FMNL2: variants seen among roughly 807,000 people sequenced by gnomAD.
The protein encoded by FMNL2 is formin-like protein 2.
A neutral mutation model predicts 130.2 loss-of-function variants in FMNL2; 51 were observed. The ratio of observed to expected loss-of-function variants is 0.39; its 90% CI spans 0.31 to 0.49. The LOEUF is 0.49. FMNL2 is among the 20% of genes least tolerant of loss of function. The probability of loss-of-function intolerance (pLI) is 0.85; values close to 1 mark genes in which losing one functional copy is unlikely to be tolerated. For synonymous variants in FMNL2, 465 were observed against 467.1 expected (o/e 1.00, Z 0.06); for missense variants, 977 against 1,316.2 (o/e 0.74, Z 3.99).
At chr2:152,621,232 T>A in intron 15 of FMNL2, 1 of 724,956 alleles carries the variant, frequency 1.4e-6, no homozygotes, top group Non-Finnish European at 1.7e-6. Context: ...CCTTTGTCTC[T>A]GACAAACGCT....
In FMNL2 at chr2:152,335,656, A is replaced by G. The variant is rs201363558; in HGVS notation, c.53A>G (p.Asn18Ser). 992 of 1,594,198 alleles carry G rather than the reference A, an allele frequency of 6.2e-4. 8 individuals carry two copies. In the African/African-American group the frequency reaches 0.012, roughly 20 times the overall value. ...DSQQTDFRAH[N>S]VPLKLPMPEP... Reference sequence around the variant, plus strand: ...CAGCAGACCGATTTCAGGGCGCACAACGTGCCTTTGAAGCTGCCGATGCCA... The same window carrying G: ...CAGCAGACCGATTTCAGGGCGCACAGCGTGCCTTTGAAGCTGCCGATGCCA... Residue 18 changes from asparagine to serine, a missense_variant, in exon 1 of 26, where the codon AAC (asparagine) becomes AGC (serine). Physicochemically the swap from Asn to Ser is conservative, Grantham distance 46. Transcript: ENST00000288670.
At chr2:152,527,942 A>C (rs1693478253) in intron 2 of FMNL2, among the ~76,000 whole-genome samples, 1 of 152,158 alleles carries the variant, frequency 6.6e-6, no homozygotes, top group African/African-American at 2.4e-5. Context: ...GAGGAAGTGC[A>C]TGCAAAAGGT....
chr2:152,435,529 G>T (rs1445191586), intron 1 of FMNL2, among the ~76,000 whole-genome samples: 1 of 151,862 alleles, frequency 6.6e-6, no homozygotes, highest in Admixed American at 6.6e-5. Flanking sequence ...ATAGTTAGTG[G>T]GATGTACACT....
chr2:152,388,283 C>T (rs76376097), intron 1 of FMNL2, among the ~76,000 whole-genome samples: 111 of 152,204 alleles, frequency 7.3e-4, no homozygotes, highest in Middle Eastern at 3.4e-3. Flanking sequence ...TAAAGACATA[C>T]GTTAGACTGG....
At chr2:152,416,864 T>C (rs1424345740) in intron 1 of FMNL2, among the ~76,000 whole-genome samples, 1 of 152,208 alleles carries the variant, frequency 6.6e-6, no homozygotes, top group Admixed American at 6.5e-5. Context: ...CATCCACCAA[T>C]TGTGTCTCAG....
At chr2:152,544,790 C>T (rs1213371194) in intron 3 of FMNL2, among the ~76,000 whole-genome samples, 1 of 152,218 alleles carries the variant, frequency 6.6e-6, no homozygotes, top group Non-Finnish European at 1.5e-5. Context: ...CCATACCCCA[C>T]ATGGAGGAAG....
intron 25 of FMNL2, among the ~76,000 whole-genome samples, chr2:152,641,419 T>C (rs1226188020): frequency 6.6e-6 from 1 of 152,268 alleles, no homozygotes; most frequent in Non-Finnish European, 1.5e-5. Context: ...GCCTGGTTCC[T>C]GTCTGATTGA....
chr2:152,523,083 A>G (rs746669592), intron 2 of FMNL2, among the ~76,000 whole-genome samples: 2 of 152,234 alleles, frequency 1.3e-5, no homozygotes, highest in Non-Finnish European at 2.9e-5. Flanking sequence ...TTACTTAAGC[A>G]TATAGCATGG....
At chr2:152,359,093 C>T (rs1683010145) in intron 1 of FMNL2, among the ~76,000 whole-genome samples, 1 of 152,140 alleles carries the variant, frequency 6.6e-6, no homozygotes, top group Admixed American at 6.5e-5. Flanking sequence ...TAGGAGCTTA[C>T]AGTGTATTTC....
At chr2:152,490,448 G>A (rs989492453) in intron 1 of FMNL2, among the ~76,000 whole-genome samples, 3 of 152,058 alleles carry the variant, frequency 2.0e-5, no homozygotes, top group African/African-American at 4.8e-5. Flanking sequence ...CCTAAACATC[G>A]ACGTTCCTGG....
At chr2:152,510,138 A>G (rs1448781099) in intron 1 of FMNL2, among the ~76,000 whole-genome samples, 1 of 152,244 alleles carries the variant, frequency 6.6e-6, no homozygotes, top group Non-Finnish European at 1.5e-5. Context: ...ACCACGTACA[A>G]ATAGATAATG....
At chr2:152,497,065 G>A (rs58791176) in intron 1 of FMNL2, among the ~76,000 whole-genome samples, 2,122 of 152,192 alleles carry the variant, frequency 0.014, 48 homozygotes, top group African/African-American at 0.048. Context: ...TCAACAGATA[G>A]AGCTAGGAAG....
intron 5 of FMNL2, 58 bp from the exon 6 acceptor site, chr2:152,560,825 G>A (rs574991311): frequency 5.3e-6 from 8 of 1,512,776 alleles, no homozygotes; most frequent in Middle Eastern, 1.7e-4. Flanking sequence ...ATACATGTTC[G>A]TTTATACATG....
intron 4 of FMNL2, among the ~76,000 whole-genome samples, chr2:152,552,322 A>T (rs1477588560): frequency 6.6e-6 from 1 of 152,170 alleles, no homozygotes; most frequent in Non-Finnish European, 1.5e-5. Flanking sequence ...ATATATCTCT[A>T]AGGAATTCCC....
chr2:152,436,071 T>C (rs1687746983), intron 1 of FMNL2, among the ~76,000 whole-genome samples: 1 of 152,114 alleles, frequency 6.6e-6, no homozygotes, highest in African/African-American at 2.4e-5. Context: ...TTTCATTCAC[T>C]GAAGATACCT....
At chr2:152,614,097 C>T (rs1166101438) in intron 11 of FMNL2, among the ~76,000 whole-genome samples, 1 of 152,182 alleles carries the variant, frequency 6.6e-6, no homozygotes, top group Non-Finnish European at 1.5e-5. Context: ...CCACCTCTCG[C>T]CTAACCTTCT....
At position 152,573,158 on chromosome 2, in the gene FMNL2, G is replaced by C. The variant is rs148132198; in HGVS notation, c.597-1978G>C. 1.3e-3 allele frequency among the ~76,000 whole-genome samples: 196 copies of C among 152,306 alleles called. 1 individual carries two copies. The highest frequency in any genetic ancestry group is 4.5e-3 in the African/African-American group (189 of 41,564). On this transcript the variant is annotated intron_variant, in intron 6 of 25. Transcript: ENST00000288670. ...CATATATAGAATAAAGATTTAAAAAGAGAAACTTGCTTACCAAGGTATTGG... is the reference window on the plus strand; with the variant it reads ...CATATATAGAATAAAGATTTAAAAACAGAAACTTGCTTACCAAGGTATTGG...
chr2:152,460,980 C>T (rs1194563078), intron 1 of FMNL2, among the ~76,000 whole-genome samples: 1 of 152,142 alleles, frequency 6.6e-6, no homozygotes, highest in Non-Finnish European at 1.5e-5. Flanking sequence ...AAACCATCTC[C>T]CCCTTGCCTC....
chr2:152,642,164 T>C lies in FMNL2; in HGVS notation c.3169+1250T>C, dbSNP rs1431168821. 2.0e-5 allele frequency among the ~76,000 whole-genome samples: 3 copies of C among 152,236 alleles called. No individual in the cohort carries two copies. In the East Asian group the frequency reaches 5.8e-4, roughly 29 times the overall value. ...ACCGTGTTAGCCAGGATGGTCTCGA[T>C]CTCCTGACCTCGTGATCTGCCCGCC... is the stretch of plus-strand genomic sequence containing the variant. On this transcript the variant is annotated intron_variant, in intron 25 of 25. Transcript: ENST00000288670.
Sources: gnomAD v4.1 joint callset for allele counts (sites outside exome capture counted in the v4.1 genomes callset) on GRCh38, gnomAD v4.1.1 for gene constraint, MANE v1.5 for transcripts, NCBI Gene and HGNC (gene_info 2026-07-23, HGNC 2026-07-21) for gene names.